PIK3C2G: variants seen among roughly 807,000 people sequenced by gnomAD.
PIK3C2G encodes the protein phosphatidylinositol 3-kinase C2 domain-containing subunit gamma.
In PIK3C2G, 168 loss-of-function variants were observed where a neutral mutation model predicts 181.1. That is an observed-to-expected ratio of 0.93 (90% CI 0.82 to 1.05). The LOEUF is 1.05. PIK3C2G is among the 50% of genes least tolerant of loss of function. The probability of loss-of-function intolerance (pLI) is 0.00; values close to 1 mark genes in which losing one functional copy is unlikely to be tolerated. For synonymous variants in PIK3C2G, 573 were observed against 592.2 expected, an observed-to-expected ratio of 0.97 and a Z score of 0.47; for missense variants, 1,869 against 1,732.8, an observed-to-expected ratio of 1.08 and a Z score of -1.40.
intron 25 of PIK3C2G, among the ~76,000 whole-genome samples, 156 bp downstream of exon 25, chr12:18,538,468 G>A (rs1311599488): frequency 2.0e-5 from 3 of 151,846 alleles, no homozygotes; most frequent in Admixed American, 6.6e-5. Flanking sequence ...GCTTATAAAC[G>A]TATTTCTTAA....
At chr12:18,552,039 T>G (rs192984077) in intron 26 of PIK3C2G, among the ~76,000 whole-genome samples, 3 of 152,112 alleles carry the variant, frequency 2.0e-5, no homozygotes, top group Non-Finnish European at 4.4e-5. Flanking sequence ...CTGTGAACTT[T>G]GAGCTGTGAG....
chr12:18,592,535 G>C (rs1947139127), intron 29 of PIK3C2G, among the ~76,000 whole-genome samples: 1 of 151,862 alleles, frequency 6.6e-6, no homozygotes, highest in South Asian at 2.1e-4. Flanking sequence ...TTTAGTGGCA[G>C]AAACCTGAAT....
Position 18,306,025 on chromosome 12 carries a change from G to A in PIK3C2G, c.1035-7937G>A, listed in dbSNP as rs113282044. ...GACTGTGTTACTTAGTAGGGAGAGC[G>A]TTGCAAACTTGAGAGTTGTTATAAA... is the stretch of plus-strand genomic sequence containing the variant. On this transcript the variant is annotated intron_variant, in intron 5 of 32. Coordinates refer to ENST00000538779, the MANE Select transcript of PIK3C2G (RefSeq NM_001288772.2). Among the ~76,000 whole-genome samples the A allele has an allele frequency of 2.1e-4, 32 of 151,386 alleles. 1 individual carries two copies. The highest frequency in any genetic ancestry group is 6.5e-4 in the African/African-American group (27 of 41,280).
At chr12:18,522,158 C>G (rs1396671130) in intron 24 of PIK3C2G, among the ~76,000 whole-genome samples, 2 of 152,214 alleles carry the variant, frequency 1.3e-5, no homozygotes, top group Non-Finnish European at 2.9e-5. Flanking sequence ...CAATGGAAGC[C>G]TCTGATAGCT....
intron 18 of PIK3C2G, among the ~76,000 whole-genome samples, chr12:18,464,263 A>G (rs1226253042): frequency 6.6e-6 from 1 of 152,048 alleles, no homozygotes; most frequent in Non-Finnish European, 1.5e-5. Context: ...ATGTGTCCTC[A>G]CGTGGTGGAA....
At chr12:18,266,162 T>C (rs558336869) in intron 1 of PIK3C2G, among the ~76,000 whole-genome samples, 22 of 152,122 alleles carry the variant, frequency 1.4e-4, no homozygotes, top group African/African-American at 5.1e-4. Context: ...TCTTAAAACA[T>C]ACTTTTAATT....
chr12:18,250,161 CTTA>C (rs907601995), intron 1 of PIK3C2G, among the ~76,000 whole-genome samples: 3 of 151,818 alleles, frequency 2.0e-5, no homozygotes, highest in Non-Finnish European at 2.9e-5. Flanking sequence ...TTAGCTTGTT[CTTA>C]TTATGGTGAA....
intron 18 of PIK3C2G, among the ~76,000 whole-genome samples, chr12:18,488,000 A>C (rs1371147229): frequency 6.6e-6 from 1 of 152,068 alleles, no homozygotes; most frequent in Non-Finnish European, 1.5e-5. Flanking sequence ...AAAAGACAGC[A>C]CCTTTTGTGG....
chr12:18,287,471 A>G (rs10841008), intron 3 of PIK3C2G, among the ~76,000 whole-genome samples: 69,611 of 152,036 alleles, frequency 0.46, 16,202 homozygotes, highest in Non-Finnish European at 0.51. Flanking sequence ...TATAAACATA[A>G]ATGCCTTCTT....
At position 18,429,648 on chromosome 12, in the gene PIK3C2G, A is replaced by G. The variant is rs186069284; in HGVS notation, c.2504+5609A>G. ...GACAGCAATCATGTCACACTCTTCC[A>G]TGTACCAATCCAGCACAGTATCTGA... is the stretch of plus-strand genomic sequence containing the variant. On this transcript the variant is annotated intron_variant, in intron 18 of 32. Transcript: ENST00000538779. 3.3e-3 allele frequency among the ~76,000 whole-genome samples: 498 copies of G among 152,272 alleles called. 8 individuals carry two copies. The highest frequency in any genetic ancestry group is 8.2e-4 in the Non-Finnish European group (56 of 68,030).
upstream of PIK3C2G, among the ~76,000 whole-genome samples, chr12:18,244,214 A>G (rs1397383033): frequency 1.3e-5 from 2 of 152,018 alleles, no homozygotes; most frequent in African/African-American, 2.4e-5. Context: ...TATAATCTGT[A>G]ACAGGATAGA....
intron 11 of PIK3C2G, among the ~76,000 whole-genome samples, chr12:18,362,184 G>C (rs1462524669): frequency 6.6e-6 from 1 of 152,126 alleles, no homozygotes; most frequent in African/African-American, 2.4e-5. Context: ...GTGGAGAGAG[G>C]CAATAGCAAG....
intron 18 of PIK3C2G, among the ~76,000 whole-genome samples, chr12:18,445,293 A>C (rs2135852404): frequency 6.6e-6 from 1 of 152,266 alleles, no homozygotes; most frequent in East Asian, 1.9e-4. Context: ...AAAGTGGTTT[A>C]AGAATATAAG....
intron 18 of PIK3C2G, among the ~76,000 whole-genome samples, chr12:18,481,249 G>A (rs1939532986): frequency 6.6e-6 from 1 of 152,118 alleles, no homozygotes; most frequent in Non-Finnish European, 1.5e-5. Context: ...TCTTCCCTGG[G>A]TGAAGATCCC....
chr12:18,381,932 C>A (rs11044057), intron 14 of PIK3C2G, 52 bp downstream of exon 14: 116,768 of 1,067,510 alleles, frequency 0.11, 9,058 homozygotes, highest in Admixed American at 0.3. Flanking sequence ...TTGGTTGATA[C>A]GTAGTTTGTT....
chr12:18,651,008 A>C (rs901110906), downstream of PIK3C2G, among the ~76,000 whole-genome samples: 3 of 151,882 alleles, frequency 2.0e-5, no homozygotes, highest in Admixed American at 2.0e-4. Context: ...AAAACTCTGC[A>C]GGGGCTTCTA....
At chr12:18,349,182 T>G (rs1939975603) in intron 11 of PIK3C2G, among the ~76,000 whole-genome samples, 1 of 152,076 alleles carries the variant, frequency 6.6e-6, no homozygotes, top group Admixed American at 6.6e-5. Context: ...CCATATTGTA[T>G]CCTGTGGGAA....
downstream of PIK3C2G, among the ~76,000 whole-genome samples, chr12:18,649,942 G>C (rs553247482): frequency 6.6e-6 from 1 of 152,112 alleles, no homozygotes; most frequent in East Asian, 1.9e-4. Context: ...CAGTGCTGGA[G>C]TGTCCCAGGG....
In PIK3C2G at chr12:18,599,398, G is replaced by A. The variant is rs1206236944; in HGVS notation, c.4087+4829G>A. ...TCATTCTCAGTAAACTATCGCAAGA[G>A]CAAAAAACCAAACACCGCATATTCT... On this transcript the variant is annotated intron_variant, in intron 30 of 32. Coordinates refer to ENST00000538779, the MANE Select transcript of PIK3C2G (RefSeq NM_001288772.2). Among the ~76,000 whole-genome samples, 48 of 150,814 alleles carry A rather than the reference G, an allele frequency of 3.2e-4. 1 individual carries two copies. Among genetic ancestry groups the A allele is most frequent in the African/African-American group, 1.0e-3 (42 of 40,728 alleles).
Sources: gnomAD v4.1 joint callset for allele counts (sites outside exome capture counted in the v4.1 genomes callset) on GRCh38, gnomAD v4.1.1 for gene constraint, MANE v1.5 for transcripts, NCBI Gene and HGNC (gene_info 2026-07-23, HGNC 2026-07-21) for gene names.